MED13: variants seen among roughly 807,000 people sequenced by gnomAD.
The protein encoded by MED13 is mediator complex subunit 13.
MED13 carries 23 observed loss-of-function variants against 225.2 expected under a neutral mutation model. The observed-to-expected ratio is 0.10, with a 90% confidence interval of 0.07 to 0.14. The LOEUF is 0.14. Among genes scored for constraint, MED13 ranks in the 10% least tolerant of loss-of-function variants. The pLI, the probability that MED13 is intolerant of heterozygous loss-of-function variation, is 1.00. For missense variants in MED13, 2,197 were observed against 2,594.5 expected, an observed-to-expected ratio of 0.85 and a Z score of 3.33; for synonymous variants, 942 against 889.2, an observed-to-expected ratio of 1.06 and a Z score of -1.06.
At position 62,029,902 on chromosome 17, in the gene MED13, T is replaced by C. The variant is rs1162365542; in HGVS notation, c.1121A>G (p.His374Arg). Residue 374 changes from histidine to arginine, a missense_variant, in exon 7 of 30, where the codon CAT (histidine) becomes CGT (arginine). Around this residue, in one of 12 missense-constraint regions of MED13, gnomAD observed 884 missense variants for 918.5 expected, o/e 0.96. Coordinates refer to ENST00000397786, the MANE Select transcript of MED13 (RefSeq NM_005121.3). ...TTCTTGCCAAACTCTATCCACCACA[T>C]GATTTGCTAATTTTCTGGGTATTTT... Reference protein sequence around the residue: ...GGKIPRKLANHVVDRVWQECN... With the variant: ...GGKIPRKLANRVVDRVWQECN... 3.1e-6 allele frequency: 5 copies of C among 1,614,084 alleles called. No homozygotes were observed. The highest frequency in any genetic ancestry group is 1.1e-5 in the South Asian group (1 of 91,070).
intron 3 of MED13, among the ~76,000 whole-genome samples, chr17:62,049,078 C>CAAAAAACAAAAAAAAAAAA (rs2080929298): frequency 2.2e-5 from 1 of 45,330 alleles, no homozygotes; most frequent in African/African-American, 8.7e-5. Context: ...GTAAATAAGA[C>CAAAAAACAAAAAAAAAAAA]AAAAAAAAAA....
At chr17:62,007,683 C>T (rs1225414096) in intron 9 of MED13, among the ~76,000 whole-genome samples, 5 of 151,468 alleles carry the variant, frequency 3.3e-5, no homozygotes, top group East Asian at 2.0e-4. Context: ...CCCGTCTCTA[C>T]TAAAAATACA....
intron 16 of MED13, 91 bp from the exon 17 acceptor site, chr17:61,972,979 G>T: frequency 9.6e-7 from 1 of 1,037,840 alleles, no homozygotes; most frequent in Non-Finnish European, 1.4e-6. Flanking sequence ...ATATAGGGAA[G>T]TTCAGGTCTT....
intron 3 of MED13, among the ~76,000 whole-genome samples, chr17:62,048,043 C>CATATACATATACATATATACAT (rs776069700): frequency 1.1e-4 from 14 of 131,166 alleles, no homozygotes; most frequent in African/African-American, 3.1e-4. Flanking sequence ...TATACATATA[C>CATATACATATACATATATACAT]ATATATATAT....
intron 10 of MED13, among the ~76,000 whole-genome samples, chr17:61,993,704 C>T (rs904246484): frequency 2.6e-5 from 4 of 151,520 alleles, no homozygotes; most frequent in East Asian, 2.0e-4. Flanking sequence ...CCGAGGCGGG[C>T]GGATCACTTG....
At chr17:61,946,881 T>G (rs778904609) in intron 29 of MED13, 36 bp downstream of exon 29, 25 of 1,510,528 alleles carry the variant, frequency 1.7e-5, no homozygotes, top group Non-Finnish European at 2.2e-5. Context: ...CTTTTAAAGT[T>G]GCAGTGACAA....
chr17:61,984,247 T>C lies in MED13; in HGVS notation c.2812A>G (p.Ile938Val), dbSNP rs2080229360. 3 of 1,611,348 alleles carry C rather than the reference T, an allele frequency of 1.9e-6. No individual in the cohort carries two copies. Among genetic ancestry groups the C allele is most frequent in the Non-Finnish European group, 2.5e-6 (3 of 1,179,032 alleles). Residue 938 changes from isoleucine to valine, a missense_variant, in exon 15 of 30, where the codon ATT (isoleucine) becomes GTT (valine). Physicochemically the swap from Ile to Val is conservative, Grantham distance 29. Around this residue, in one of 12 missense-constraint regions of MED13, gnomAD observed 160 missense variants for 184.8 expected, o/e 0.87. Transcript: ENST00000397786. ...CCAACAGTCCAACTCTGACGGTAAA[T>C]ACACTCTTCTGGCAATTTGATAGGG... ...LPPIKLPEEC[I>V]YRQSWTVGKL...
At chr17:62,019,110 C>A (rs1270557634) in intron 8 of MED13, among the ~76,000 whole-genome samples, 1 of 152,204 alleles carries the variant, frequency 6.6e-6, no homozygotes, top group Non-Finnish European at 1.5e-5. Flanking sequence ...ACTCTCTTCC[C>A]TTCTCCAATT....
chr17:61,961,892 T>G, intron 21 of MED13, 113 bp from the exon 22 acceptor site: 1 of 1,010,734 alleles, frequency 9.9e-7, no homozygotes, highest in Admixed American at 2.5e-5. Context: ...AAAACCTAAT[T>G]TAAATGAAAA....
chr17:62,010,339 C>A, intron 9 of MED13: 1 of 387,396 alleles, frequency 2.6e-6, no homozygotes, highest in Non-Finnish European at 4.5e-6. Context: ...AGTGTTTACA[C>A]ATTATTTTCT....
At chr17:62,014,891 T>C (rs1174130513) in intron 8 of MED13, among the ~76,000 whole-genome samples, 2 of 152,310 alleles carry the variant, frequency 1.3e-5, no homozygotes, top group East Asian at 1.9e-4. Flanking sequence ...ACAGCTAGTA[T>C]TGGATAGCTC....
intron 23 of MED13, among the ~76,000 whole-genome samples, chr17:61,959,549 C>T (rs944169484): frequency 6.6e-6 from 1 of 151,792 alleles, no homozygotes; most frequent in Non-Finnish European, 1.5e-5. Flanking sequence ...TAATATAAAG[C>T]TTAACATACT....
At chr17:62,034,705 A>G (rs924674265) in intron 4 of MED13, among the ~76,000 whole-genome samples, 2 of 152,226 alleles carry the variant, frequency 1.3e-5, no homozygotes, top group African/African-American at 4.8e-5. Context: ...TAAAGTTAAA[A>G]TAAGAACACA....
At chr17:61,960,263 A>G (rs998929905) in intron 23 of MED13, among the ~76,000 whole-genome samples, 2 of 152,062 alleles carry the variant, frequency 1.3e-5, no homozygotes, top group South Asian at 4.2e-4. Context: ...TATTCTGAAG[A>G]CAACCAAACT....
intron 5 of MED13, among the ~76,000 whole-genome samples, chr17:62,033,036 G>A (rs2080771257): frequency 6.6e-6 from 1 of 152,092 alleles, no homozygotes; most frequent in African/African-American, 2.4e-5. Context: ...TGTAATCCCA[G>A]CTACTCTCAA....
rs1267367816 is a variant in MED13 at position 61,993,196 on chromosome 17, C to CTTTTTT, written c.2182-576_2182-575insAAAAAA. Among the ~76,000 whole-genome samples, 30 of 127,420 alleles carry CTTTTTT rather than the reference C, an allele frequency of 2.4e-4. 3 individuals carry two copies. The highest frequency in any genetic ancestry group is 8.3e-4 in the African/African-American group (23 of 27,806). The allele number at this position is 127,420 out of a possible 152,430, so 83.6% of individuals were successfully genotyped here. ...CAAAGTCCATGTTCTTTCTTTCTTT[C>CTTTTTT]TTTCTTTTTTTTTTTTTTTTTTTGA... On this transcript the variant is annotated intron_variant, in intron 10 of 29. Coordinates refer to ENST00000397786, the MANE Select transcript of MED13 (RefSeq NM_005121.3).
intron 2 of MED13, among the ~76,000 whole-genome samples, chr17:62,053,401 A>G (rs2080972272): frequency 6.6e-6 from 1 of 152,242 alleles, no homozygotes; most frequent in African/African-American, 2.4e-5. Flanking sequence ...CACTAACTAT[A>G]TAGCTTCAAT....
intron 3 of MED13, among the ~76,000 whole-genome samples, chr17:62,039,804 G>T (rs1603407322): frequency 6.6e-6 from 1 of 151,662 alleles, no homozygotes; most frequent in Admixed American, 6.6e-5. Context: ...GCCATGTATT[G>T]GCCAGACTGG....
At chr17:61,951,506 A>G (rs1201238414) in intron 27 of MED13, among the ~76,000 whole-genome samples, 2 of 152,210 alleles carry the variant, frequency 1.3e-5, no homozygotes, top group Non-Finnish European at 2.9e-5. Context: ...ATTTCTTGGT[A>G]TTTAAAAATA....
Sources: gnomAD v4.1 joint callset for allele counts (sites outside exome capture counted in the v4.1 genomes callset) on GRCh38, gnomAD v4.1.1 for gene constraint, gnomAD v4.1.1 regional missense constraint, MANE v1.5 for transcripts, NCBI Gene and HGNC (gene_info 2026-07-23, HGNC 2026-07-21) for gene names.